The following STK32A variants were observed in gnomAD, a reference collection of about 807,000 sequenced individuals.
The protein encoded by STK32A is serine/threonine kinase 32A.
STK32A carries 41 observed loss-of-function variants against 53.2 expected under a neutral mutation model. The observed-to-expected ratio is 0.77, with a 90% CI of 0.60 to 1.00. STK32A has a LOEUF of 1.00. Ranked by LOEUF, STK32A falls within the 50% of genes least tolerant of loss-of-function variation. STK32A has a pLI of 0.00. For missense variants in STK32A, 458 were observed against 485.8 expected, an observed-to-expected ratio of 0.94 and a Z score of 0.54; for synonymous variants, 166 against 162.8, an observed-to-expected ratio of 1.02 and a Z score of -0.15.
intron 4 of STK32A, among the ~76,000 whole-genome samples, chr5:147,300,112 G>A (rs1753059731): frequency 1.3e-5 from 2 of 152,298 alleles, no homozygotes; most frequent in South Asian, 4.1e-4. Context: ...CAGAGCCACA[G>A]CATCAACAAT....
At chr5:147,254,435 T>C (rs1423129982) in intron 2 of STK32A, among the ~76,000 whole-genome samples, 1 of 152,174 alleles carries the variant, frequency 6.6e-6, no homozygotes, top group African/African-American at 2.4e-5. Context: ...GCTTTATTAT[T>C]AGGTTTCTGA....
chr5:147,267,802 A>G (rs1378795049), intron 2 of STK32A, among the ~76,000 whole-genome samples: 2 of 152,168 alleles, frequency 1.3e-5, no homozygotes, highest in African/African-American at 4.8e-5. Context: ...GGGTCACTTT[A>G]AATGCATCCT....
chr5:147,327,016 G>T (rs1177068987), intron 5 of STK32A, among the ~76,000 whole-genome samples: 1 of 152,172 alleles, frequency 6.6e-6, no homozygotes. Context: ...ACCATGCCCA[G>T]CTTCAAATAG....
chr5:147,347,728 G>A (rs1229138526), intron 6 of STK32A, among the ~76,000 whole-genome samples: 1 of 152,174 alleles, frequency 6.6e-6, no homozygotes, highest in African/African-American at 2.4e-5. Flanking sequence ...CCTTCAGTCA[G>A]CAGGAGACTG....
intron 6 of STK32A, among the ~76,000 whole-genome samples, chr5:147,346,818 A>C (rs1755715150): frequency 6.6e-6 from 1 of 152,214 alleles, no homozygotes; most frequent in Admixed American, 6.5e-5. Flanking sequence ...ATCAGAGAAA[A>C]TGACAATTAT....
chr5:147,394,351 A>T, the STK32A span, among the ~76,000 whole-genome samples: 2 of 152,200 alleles, frequency 1.3e-5, no homozygotes, highest in Admixed American at 6.5e-5. Flanking sequence ...TCTAGATTTC[A>T]TCTGACCCAG....
chr5:147,291,474 A>G (rs116653425), intron 4 of STK32A, among the ~76,000 whole-genome samples: 1 of 152,088 alleles, frequency 6.6e-6, no homozygotes. Flanking sequence ...TCAGAATACC[A>G]TGCAGTTAGT....
In STK32A at chr5:147,384,237, TA is replaced by T; in HGVS notation, c.*258del. On this transcript the variant is annotated 3_prime_UTR_variant, in exon 13 of 13. Transcript: ENST00000397936. ...CTTTCTGTGCTTTACTTTATTTATC[TA>T]AAATGAGAGGGTTATACTAGACGAG... 3.0e-6 allele frequency: 4 copies of T among 1,347,736 alleles called. No homozygotes were observed. Among genetic ancestry groups the T allele is most frequent in the Non-Finnish European group, 3.9e-6 (4 of 1,037,818 alleles). The allele number at this position is 1,347,736 out of a possible 1,614,324, so 83.5% of individuals were successfully genotyped here.
intron 2 of STK32A, among the ~76,000 whole-genome samples, chr5:147,257,498 C>T (rs1305024193): frequency 6.6e-6 from 1 of 152,064 alleles, no homozygotes; most frequent in Admixed American, 6.5e-5. Flanking sequence ...AGCAATAGAG[C>T]CAGTAAAGAA....
chr5:147,344,313 T>C (rs1404894190), intron 6 of STK32A, among the ~76,000 whole-genome samples: 1 of 152,234 alleles, frequency 6.6e-6, no homozygotes, highest in Non-Finnish European at 1.5e-5. Context: ...CAAAGCTCAC[T>C]GTCATTACTT....
chr5:147,266,159 T>A (rs1445551283), intron 2 of STK32A, among the ~76,000 whole-genome samples: 1 of 152,180 alleles, frequency 6.6e-6, no homozygotes, highest in African/African-American at 2.4e-5. Flanking sequence ...CTCCCACTGT[T>A]AATTATCCTT....
intron 2 of STK32A, among the ~76,000 whole-genome samples, chr5:147,260,087 CTCTG>C (rs139741759): frequency 0.28 from 36,897 of 132,834 alleles, 5,852 homozygotes; most frequent in Admixed American, 0.34. Flanking sequence ...TCTCGCTCTC[CTCTG>C]TCTCTGTCTC....
chr5:147,241,646 C>G (rs1753588609), intron 2 of STK32A, among the ~76,000 whole-genome samples: 1 of 152,028 alleles, frequency 6.6e-6, no homozygotes, highest in Non-Finnish European at 1.5e-5. Context: ...CTTAAGAAAA[C>G]TTTTTTTTCA....
intron 4 of STK32A, among the ~76,000 whole-genome samples, chr5:147,283,371 C>G (rs1173676056): frequency 1.3e-5 from 2 of 151,512 alleles, no homozygotes; most frequent in Non-Finnish European, 2.9e-5. Context: ...ACTCTAAGGT[C>G]ACACCTGAAG....
At chr5:147,268,707 A>G (rs1344887462) in intron 2 of STK32A, among the ~76,000 whole-genome samples, 2 of 152,230 alleles carry the variant, frequency 1.3e-5, no homozygotes, top group East Asian at 1.9e-4. Flanking sequence ...TTTCAAGATC[A>G]GAAGATCCAG....
chr5:147,243,192 TGA>T (rs1753652042), intron 2 of STK32A, among the ~76,000 whole-genome samples: 1 of 76,102 alleles, frequency 1.3e-5, no homozygotes, highest in Non-Finnish European at 2.9e-5. Flanking sequence ...TATATAGATA[TGA>T]GAAAAACATT....
At chr5:147,307,989 G>A (rs1753502538) in intron 4 of STK32A, among the ~76,000 whole-genome samples, 1 of 152,008 alleles carries the variant, frequency 6.6e-6, no homozygotes, top group African/African-American at 2.4e-5. Context: ...GCTACAGTTG[G>A]TTCTTTAAAA....
At chr5:147,324,612 T>C (rs1244304815) in intron 5 of STK32A, among the ~76,000 whole-genome samples, 1 of 152,128 alleles carries the variant, frequency 6.6e-6, no homozygotes, top group Non-Finnish European at 1.5e-5. Context: ...CATAAAGCTA[T>C]AGAGATAATA....
At chr5:147,282,223 A>G (rs1752097609) in intron 4 of STK32A, among the ~76,000 whole-genome samples, 2 of 152,108 alleles carry the variant, frequency 1.3e-5, no homozygotes, top group South Asian at 4.2e-4. Flanking sequence ...AACCAAAAAA[A>G]TCTGCAGGAC....
Sources: allele counts gnomAD v4.1 joint callset (sites outside exome capture counted in the v4.1 genomes callset), GRCh38; gene constraint gnomAD v4.1.1; transcripts MANE v1.5; gene names NCBI Gene and HGNC (gene_info 2026-07-23, HGNC 2026-07-21).